The following CA7 variants were observed in gnomAD, a reference collection of about 807,000 sequenced individuals.
CA7 encodes carbonic anhydrase 7.
CA7 carries 13 observed loss-of-function variants against 31.4 expected under a neutral mutation model. The observed-to-expected ratio is 0.41, with a 90% CI of 0.27 to 0.66. The LOEUF (loss-of-function observed/expected upper bound fraction) is 0.66. Among genes scored for constraint, CA7 ranks in the 30% least tolerant of loss-of-function variants. The probability of loss-of-function intolerance (pLI) is 0.28; values close to 1 mark genes in which losing one functional copy is unlikely to be tolerated. For missense variants in CA7, 215 were observed against 351.0 expected (o/e 0.61, Z 3.10); for synonymous variants, 128 against 133.2 (o/e 0.96, Z 0.27).
chr16:66,845,377 A>G (rs1960908313), intron 1 of CA7: 1 of 265,134 alleles, frequency 3.8e-6, no homozygotes, highest in African/African-American at 2.3e-5. Context: ...GGTGCGGAGA[A>G]GAAAAAGTAA....
At chr16:66,851,983 A>C (rs1261296821) in intron 5 of CA7, among the ~76,000 whole-genome samples, 4 of 152,170 alleles carry the variant, frequency 2.6e-5, no homozygotes, top group African/African-American at 4.8e-5. Flanking sequence ...AGGCAATGTC[A>C]TTGAGGGCAG....
At position 66,850,672 on chromosome 16, in the gene CA7, C is replaced by G. The variant is rs757440244; in HGVS notation, c.357+13C>G. 2 of 1,548,822 alleles carry G rather than the reference C, an allele frequency of 1.3e-6. No individual in the cohort carries two copies. Among genetic ancestry groups the G allele is most frequent in the Non-Finnish European group, 1.8e-6 (2 of 1,120,510 alleles). On this transcript the variant is annotated intron_variant, in intron 3 of 6. Coordinates refer to ENST00000338437, the MANE Select transcript of CA7 (RefSeq NM_005182.3). ...CTTCCCCAGCGAGGTACGGGCCCTC[C>G]TCCACTTGAATCCCTCTGCTACATG...
intron 1 of CA7, among the ~76,000 whole-genome samples, chr16:66,845,650 A>G (rs1346745467): frequency 6.6e-6 from 1 of 152,190 alleles, no homozygotes; most frequent in Non-Finnish European, 1.5e-5. Flanking sequence ...AGACAGGCAG[A>G]CATGGGGCAG....
At chr16:66,850,390 A>G (rs1332094029) in intron 2 of CA7, 151 bp from the exon 3 acceptor site, 14 of 662,928 alleles carry the variant, frequency 2.1e-5, no homozygotes, top group Non-Finnish European at 3.5e-5. Context: ...ATCATAAGCC[A>G]TGTTTGCACC....
intron 2 of CA7, 119 bp from the exon 3 acceptor site, chr16:66,850,422 C>G: frequency 1.4e-6 from 1 of 705,566 alleles, no homozygotes; most frequent in Non-Finnish European, 2.6e-6. Flanking sequence ...GCCTGGGCAA[C>G]AGAGCGAGAC....
intron 5 of CA7, among the ~76,000 whole-genome samples, chr16:66,852,455 T>G (rs1304557151): frequency 3.2e-5 from 4 of 125,510 alleles, no homozygotes; most frequent in African/African-American, 1.3e-4. Flanking sequence ...AGAGTGAGAC[T>G]CCACCTCAAA....
At chr16:66,850,426 G>T (rs1961015262) in intron 2 of CA7, 115 bp from the exon 3 acceptor site, 2 of 719,250 alleles carry the variant, frequency 2.8e-6, no homozygotes, top group Admixed American at 3.7e-5. Context: ...GGGCAACAGA[G>T]CGAGACCCTG....
At position 66,844,441 on chromosome 16, in the gene CA7, G is replaced by T. The variant is rs1370987643; in HGVS notation, c.-47G>T. On this transcript the variant is annotated 5_prime_UTR_variant, in exon 1 of 7. Coordinates refer to ENST00000338437, the MANE Select transcript of CA7 (RefSeq NM_005182.3). ...GGCCGGAGCCGCAGCCCGAACGAGC[G>T]GACCGAGCCGACCGGGCAGGTGCAC... 6.6e-7 allele frequency: 1 copy of T among 1,506,518 alleles called. No homozygotes were observed. Among genetic ancestry groups the T allele is most frequent in the Non-Finnish European group, 8.9e-7 (1 of 1,120,422 alleles). 93.3% of individuals were successfully genotyped at this position (1,506,518 alleles called of 1,614,324 possible).
intron 5 of CA7, among the ~76,000 whole-genome samples, chr16:66,852,001 C>T (rs949417662): frequency 6.6e-6 from 1 of 152,098 alleles, no homozygotes; most frequent in Admixed American, 6.6e-5. Flanking sequence ...CAGCTGAAGG[C>T]AAGGGAGGGA....
rs1961103345 is a variant in CA7, at chr16:66,853,164, G to T, written c.673-212G>T. On this transcript the variant is annotated intron_variant, in intron 6 of 6. Coordinates refer to ENST00000338437, the MANE Select transcript of CA7 (RefSeq NM_005182.3). This position sits in a 1 kb window ranked among gnomAD's most constrained non-coding sequence, Gnocchi z 4.5. Reference sequence around the variant, plus strand: ...TCTTAGCTAGATGGGCTTGGAACTAGAACTAGGTAAAGCAGAGCCCAGACC... The same window carrying T: ...TCTTAGCTAGATGGGCTTGGAACTATAACTAGGTAAAGCAGAGCCCAGACC... 6.6e-6 allele frequency among the ~76,000 whole-genome samples: 1 copy of T among 152,184 alleles called. No individual in the cohort carries two copies. The highest frequency in any genetic ancestry group is 6.5e-5 in the Admixed American group (1 of 15,274).
At position 66,850,631 on chromosome 16, in the gene CA7, C is replaced by T. The variant is rs1382409722; in HGVS notation, c.329C>T (p.Thr110Met). 1.9e-6 allele frequency: 3 copies of T among 1,613,096 alleles called. No homozygotes were observed. The highest frequency in any genetic ancestry group is 2.5e-6 in the Non-Finnish European group (3 of 1,179,076). ...GKKHDVGSEH[T>M]VDGKSFPSEL... ...AAGCACGATGTGGGTTCTGAGCACA[C>T]GGTGGACGGCAAGTCCTTCCCCAGC... Residue 110 changes from threonine to methionine, a missense_variant, in exon 3 of 7, where the codon ACG (threonine) becomes ATG (methionine). Coordinates refer to ENST00000338437, the MANE Select transcript of CA7 (RefSeq NM_005182.3).
At chr16:66,851,853 C>A in intron 5 of CA7, 127 bp downstream of exon 5, 1 of 821,426 alleles carries the variant, frequency 1.2e-6, no homozygotes, top group Non-Finnish European at 2.1e-6. Flanking sequence ...GGAGGGTCAG[C>A]ATCAGCAGGG....
At chr16:66,849,115 A>C (rs1289544882) in intron 2 of CA7, among the ~76,000 whole-genome samples, 1 of 151,814 alleles carries the variant, frequency 6.6e-6, no homozygotes, top group Non-Finnish European at 1.5e-5. Context: ...CCAGGAGCTC[A>C]CATTCAAGCC....
chr16:66,849,490 C>T (rs1039501758), intron 2 of CA7, among the ~76,000 whole-genome samples: 1 of 152,182 alleles, frequency 6.6e-6, no homozygotes, highest in East Asian at 1.9e-4. Context: ...GCAAATGCCT[C>T]GTCATCACTG....
intron 2 of CA7, among the ~76,000 whole-genome samples, chr16:66,850,249 G>C (rs1261861506): frequency 6.6e-6 from 1 of 151,980 alleles, no homozygotes; most frequent in Non-Finnish European, 1.5e-5. Context: ...AGACCAGCCT[G>C]GCCAACATAG....
At chr16:66,844,592 C>T (rs1193254927) in intron 1 of CA7, 65 bp downstream of exon 1, 1 of 1,372,858 alleles carries the variant, frequency 7.3e-7, no homozygotes, top group East Asian at 2.7e-5. Flanking sequence ...TCGCCCCAAC[C>T]CTCTTGCCCA....
chr16:66,851,339 G>C (rs1961043869), intron 3 of CA7, 124 bp from the exon 4 acceptor site: 16 of 846,538 alleles, frequency 1.9e-5, no homozygotes, highest in Non-Finnish European at 3.0e-5. Context: ...CCTAATCCTT[G>C]GAGGCTTGAC....
chr16:66,844,621 A>G, intron 1 of CA7, 94 bp downstream of exon 1: 1 of 1,133,172 alleles, frequency 8.8e-7, no homozygotes, highest in South Asian at 1.5e-5. Flanking sequence ...CCCAGACCGG[A>G]AAGCTCCCAC....
At position 66,850,672 on chromosome 16, in the gene CA7, C is replaced by T; in HGVS notation, c.357+13C>T. 1.3e-6 allele frequency: 2 copies of T among 1,548,940 alleles called. No homozygotes were observed. Among genetic ancestry groups the T allele is most frequent in the South Asian group, 2.2e-5 (2 of 89,776 alleles). The stretch of plus-strand genomic sequence containing the variant: ...CTTCCCCAGCGAGGTACGGGCCCTC[C>T]TCCACTTGAATCCCTCTGCTACATG... On this transcript the variant is annotated intron_variant, in intron 3 of 6. Transcript: ENST00000338437.
Sources: allele counts gnomAD v4.1 joint callset (sites outside exome capture counted in the v4.1 genomes callset), GRCh38; gene constraint gnomAD v4.1.1; non-coding constraint Gnocchi (gnomAD v3.1); transcripts MANE v1.5; gene names NCBI Gene and HGNC (gene_info 2026-07-23, HGNC 2026-07-21).